SLCO1A2: variants seen among roughly 807,000 people sequenced by gnomAD.
SLCO1A2 encodes the protein OATP-1.
A neutral mutation model predicts 69.0 loss-of-function variants in SLCO1A2; 67 were observed. The ratio of observed to expected loss-of-function variants is 0.97; its 90% confidence interval spans 0.80 to 1.19. The LOEUF is 1.19. Ranked by LOEUF, SLCO1A2 falls within the 50% of genes most tolerant of loss-of-function variation. SLCO1A2 has a pLI of 0.00. For synonymous variants in SLCO1A2, 260 were observed against 265.9 expected, an observed-to-expected ratio of 0.98 and a Z score of 0.22; for missense variants, 787 against 793.7, an observed-to-expected ratio of 0.99 and a Z score of 0.10.
At chr12:21,308,044 T>C (rs2136561577) in intron 4 of SLCO1A2, among the ~76,000 whole-genome samples, 1 of 152,266 alleles carries the variant, frequency 6.6e-6, no homozygotes, top group South Asian at 2.1e-4. Flanking sequence ...GGCTGAATAT[T>C]ACTTGACATT....
At position 21,281,973 on chromosome 12, in the gene SLCO1A2, A is replaced by T. The variant is rs373358124; in HGVS notation, c.1611-6549T>A. On this transcript the variant is annotated intron_variant, in intron 12 of 14. Coordinates refer to ENST00000683939, the MANE Select transcript of SLCO1A2 (RefSeq NM_001386879.1). ...AGCAAAGAAATGACCCAATGGCTTC[A>T]CTGCCTAATTCTACCAAACATTTAA... 2.6e-5 allele frequency among the ~76,000 whole-genome samples: 4 copies of T among 152,272 alleles called. No individual in the cohort carries two copies. The South Asian group carries it at 8.3e-4, about 32-fold the overall frequency.
chr12:21,286,417 G>A (rs2136236317), intron 12 of SLCO1A2, among the ~76,000 whole-genome samples: 1 of 115,446 alleles, frequency 8.7e-6, no homozygotes, highest in African/African-American at 3.2e-5. Flanking sequence ...TCAATATCGT[G>A]AAAATGGCCA....
intron 1 of SLCO1A2, among the ~76,000 whole-genome samples, chr12:21,412,974 T>C (rs1941932129): frequency 6.6e-6 from 1 of 152,196 alleles, no homozygotes; most frequent in African/African-American, 2.4e-5. Flanking sequence ...TTCTGCCAGA[T>C]ATGTGTAGAA....
In SLCO1A2 at chr12:21,334,653, T is replaced by G; in HGVS notation, c.-6A>C. On this transcript the variant is annotated 5_prime_UTR_variant, in exon 2 of 15. Coordinates refer to ENST00000683939, the MANE Select transcript of SLCO1A2 (RefSeq NM_001386879.1). ...CTTTTCTCAGTTTCTCCCATGTTGC[T>G]CTTCAGGGTGTTCCAAGCTATTTAT... 1 of 1,607,820 alleles carries G rather than the reference T, an allele frequency of 6.2e-7. No individual in the cohort carries two copies. Among genetic ancestry groups the G allele is most frequent in the East Asian group, 2.2e-5 (1 of 44,590 alleles).
At position 21,283,843 on chromosome 12, in the gene SLCO1A2, A is replaced by G. The variant is rs117667801; in HGVS notation, c.1610+8321T>C. On this transcript the variant is annotated intron_variant, in intron 12 of 14. Coordinates refer to ENST00000683939, the MANE Select transcript of SLCO1A2 (RefSeq NM_001386879.1). ...CATCAATGATCAAGAGAGGAATGCA[A>G]ATCAAAACTGCAATGAGATATCATC... Among the ~76,000 whole-genome samples the G allele has an allele frequency of 5.9e-4, 90 of 152,326 alleles. No individual in the cohort carries two copies. In the East Asian group the frequency reaches 0.013, roughly 23 times the overall value.
intron 2 of SLCO1A2, among the ~76,000 whole-genome samples, chr12:21,350,191 AATGTATATAGTCTTAAGACTT>A (rs889224024): frequency 2.6e-4 from 40 of 152,264 alleles, no homozygotes; most frequent in South Asian, 8.3e-4. Context: ...AATCTTTAAA[AATGTATATAGTCTTAAGACTT>A]ATGTATATAG....
At chr12:21,360,672 C>T (rs574803669) in intron 2 of SLCO1A2, among the ~76,000 whole-genome samples, 26 of 152,278 alleles carry the variant, frequency 1.7e-4, no homozygotes, top group African/African-American at 2.4e-5. Context: ...CCTGGAAAAT[C>T]GGGACACTCC....
chr12:21,292,482 T>C, intron 11 of SLCO1A2, 146 bp from the exon 12 acceptor site: 2 of 492,326 alleles, frequency 4.1e-6, no homozygotes, highest in Non-Finnish European at 6.9e-6. Context: ...GATTACACCA[T>C]ATAACAAAAC....
chr12:21,319,714 TA>T (rs1226128142), intron 2 of SLCO1A2: 1 of 275,602 alleles, frequency 3.6e-6, no homozygotes, highest in East Asian at 8.1e-5. Flanking sequence ...ATATATACTA[TA>T]AATTTCCATA....
chr12:21,302,068 G>C (rs1948780256), intron 6 of SLCO1A2, among the ~76,000 whole-genome samples: 1 of 152,052 alleles, frequency 6.6e-6, no homozygotes, highest in African/African-American at 2.4e-5. Flanking sequence ...TCTTCTCTAA[G>C]GTTTTGCTCT....
At chr12:21,394,800 C>G (rs1312897432) in intron 1 of SLCO1A2, 3 of 152,016 alleles carry the variant, frequency 2.0e-5, no homozygotes, top group Non-Finnish European at 2.9e-5. Flanking sequence ...TTTCTCAACA[C>G]CTGGGAGTGG....
At position 21,363,670 on chromosome 12, in the gene SLCO1A2, A is replaced by G. The variant is rs186288926; in HGVS notation, c.-63+10729T>C. Among the ~76,000 whole-genome samples the G allele has an allele frequency of 3.5e-3, 526 of 152,294 alleles. 4 individuals are homozygous for G. The highest frequency in any genetic ancestry group is 0.012 in the African/African-American group (498 of 41,558). On this transcript the variant is annotated intron_variant, in intron 2 of 15. Transcript: ENST00000307378. The stretch of plus-strand genomic sequence containing the variant: ...GCTAGCAAGACTAATAAAGAAGAAA[A>G]GAGAGAAGTGTCAAACAGAAGCAAT...
chr12:21,283,206 G>T (rs1327831879), intron 12 of SLCO1A2, among the ~76,000 whole-genome samples: 4 of 152,058 alleles, frequency 2.6e-5, no homozygotes, highest in Non-Finnish European at 5.9e-5. Flanking sequence ...GCATGGTACT[G>T]GCATAAAAAC....
chr12:21,288,251 G>A (rs998801823), intron 12 of SLCO1A2, among the ~76,000 whole-genome samples: 2 of 152,048 alleles, frequency 1.3e-5, no homozygotes, highest in African/African-American at 4.8e-5. Flanking sequence ...AGACCAGCCG[G>A]GCCAACATAA....
rs138838062 is a variant in SLCO1A2, at chr12:21,365,188, C to T, written c.-63+9211G>A. On this transcript the variant is annotated intron_variant, in intron 2 of 15. Coordinates refer to the SLCO1A2 transcript ENST00000307378. ...TAACCAAAACAGCATGGTACTGGTA[C>T]CAAAACAGAGATATAGACCAATGGA... Among the ~76,000 whole-genome samples the T allele has an allele frequency of 2.0e-3, 304 of 152,190 alleles. 2 individuals are homozygous for T. The South Asian group carries it at 0.034, about 17-fold the overall frequency.
At chr12:21,336,309 G>T (rs1195003974), upstream of SLCO1A2, among the ~76,000 whole-genome samples, 2 of 152,060 alleles carry the variant, frequency 1.3e-5, no homozygotes, top group African/African-American at 2.4e-5. Context: ...TAGCCAGAGG[G>T]CATAAAAGCT....
intron 2 of SLCO1A2, among the ~76,000 whole-genome samples, chr12:21,327,769 T>A (rs1214042467): frequency 6.6e-6 from 1 of 152,138 alleles, no homozygotes; most frequent in Non-Finnish European, 1.5e-5. Flanking sequence ...TGCTTTTGAT[T>A]TTTTTTGATG....
intron 3 of SLCO1A2, among the ~76,000 whole-genome samples, chr12:21,317,430 T>C (rs1344930554): frequency 1.3e-5 from 2 of 152,222 alleles, no homozygotes; most frequent in East Asian, 1.9e-4. Context: ...TTTCTTCTCC[T>C]AGAAAATTTT....
chr12:21,273,558 G>C (rs142976880), intron 14 of SLCO1A2, among the ~76,000 whole-genome samples: 1 of 152,238 alleles, frequency 6.6e-6, no homozygotes, highest in African/African-American at 2.4e-5. Context: ...CGTTTAATGT[G>C]TCTTAAGCAC....
Sources: allele counts gnomAD v4.1 joint callset (sites outside exome capture counted in the v4.1 genomes callset), GRCh38; gene constraint gnomAD v4.1.1; transcripts MANE v1.5; gene names NCBI Gene and HGNC (gene_info 2026-07-23, HGNC 2026-07-21).